ITPK1: variants seen among roughly 807,000 people sequenced by gnomAD.
ITPK1 encodes inositol 1,3,4-trisphosphate 5/6-kinase.
ITPK1 carries 21 observed loss-of-function variants against 45.3 expected under a neutral mutation model. The ratio of observed to expected loss-of-function variants is 0.46; its 90% CI spans 0.33 to 0.67. ITPK1 has a LOEUF of 0.67. ITPK1 is among the 30% of genes least tolerant of loss of function. ITPK1 has a pLI of 0.02. For synonymous variants in ITPK1, 258 were observed against 253.6 expected (o/e 1.02, Z -0.16); for missense variants, 474 against 573.5 (o/e 0.83, Z 1.77).
chr14:93,009,088 G>A (rs1206549947), intron 4 of ITPK1, among the ~76,000 whole-genome samples: 4 of 152,118 alleles, frequency 2.6e-5, no homozygotes, highest in Admixed American at 1.3e-4. Flanking sequence ...GGGCAGGGTG[G>A]GGAGTGCTGT....
intron 4 of ITPK1, among the ~76,000 whole-genome samples, chr14:93,002,899 AAGCCACAGCTGG>A (rs1158566656): frequency 6.6e-6 from 1 of 152,182 alleles, no homozygotes; most frequent in Non-Finnish European, 1.5e-5. Context: ...TGTTCTCTCA[AAGCCACAGCTGG>A]ACCAGAGGCT....
At position 93,114,196 on chromosome 14, in the gene ITPK1, A is replaced by C. The variant is rs916102731; in HGVS notation, c.95+873T>G. On this transcript the variant is annotated intron_variant, in intron 2 of 10. Coordinates refer to ENST00000267615, the MANE Select transcript of ITPK1 (RefSeq NM_014216.6). ...TGAGAAAAGGGCTTAACTGCTTCTC[A>C]GAGGCAAAGCTACAGTTGTGGAGCA... 2.6e-5 allele frequency among the ~76,000 whole-genome samples: 4 copies of C among 152,404 alleles called. No individual in the cohort carries two copies. In the South Asian group the frequency reaches 8.3e-4, roughly 32 times the overall value.
chr14:93,113,364 C>T (rs1465367000), intron 2 of ITPK1, among the ~76,000 whole-genome samples: 1 of 152,184 alleles, frequency 6.6e-6, no homozygotes, highest in Non-Finnish European at 1.5e-5. Context: ...GAATATTTTG[C>T]GAGAGCCTCC....
intron 3 of ITPK1, among the ~76,000 whole-genome samples, chr14:93,062,809 A>G (rs891402472): frequency 2.0e-5 from 3 of 152,158 alleles, no homozygotes; most frequent in African/African-American, 7.2e-5. Flanking sequence ...ACCATACACC[A>G]AGGCGTTTCA....
intron 2 of ITPK1, among the ~76,000 whole-genome samples, chr14:93,089,850 C>T (rs1891796832): frequency 6.6e-6 from 1 of 152,196 alleles, no homozygotes; most frequent in Non-Finnish European, 1.5e-5. Flanking sequence ...TCCCTCAGAG[C>T]CCCATGCAGG....
intron 3 of ITPK1, among the ~76,000 whole-genome samples, chr14:93,059,327 A>G (rs1595177168): frequency 1.1e-4 from 1 of 9,214 alleles, no homozygotes; most frequent in African/African-American, 5.2e-4. Context: ...TGCGGGTCCT[A>G]AGCAGGGGGG....
At chr14:92,994,876 G>A (rs2139811787) in intron 4 of ITPK1, among the ~76,000 whole-genome samples, 1 of 152,340 alleles carries the variant, frequency 6.6e-6, no homozygotes, top group East Asian at 1.9e-4. Flanking sequence ...AGGAAACAGG[G>A]TCTTTGTGGA....
intron 2 of ITPK1, among the ~76,000 whole-genome samples, chr14:93,104,456 C>G (rs2140028813): frequency 7.3e-6 from 1 of 136,250 alleles, no homozygotes. Flanking sequence ...TAGCGAAACT[C>G]CATCTCAAAA....
chr14:93,107,457 T>C (rs1000798910), intron 2 of ITPK1, among the ~76,000 whole-genome samples: 2 of 152,230 alleles, frequency 1.3e-5, no homozygotes, highest in Admixed American at 6.5e-5. Context: ...GTGAAGATTC[T>C]GACGGCGAGA....
At chr14:93,006,154 C>A (rs1232877288) in intron 4 of ITPK1, among the ~76,000 whole-genome samples, 1 of 152,168 alleles carries the variant, frequency 6.6e-6, no homozygotes, top group African/African-American at 2.4e-5. Flanking sequence ...CAGTGGTGCG[C>A]AGGGCAAGCC....
chr14:92,948,380 G>A (rs563791138), intron 9 of ITPK1, among the ~76,000 whole-genome samples: 7 of 152,300 alleles, frequency 4.6e-5, no homozygotes, highest in Admixed American at 3.9e-4. Context: ...TAGAGACAAT[G>A]TTTCACTCTG....
chr14:92,986,402 G>C (rs1446499428), intron 5 of ITPK1, among the ~76,000 whole-genome samples: 1 of 152,198 alleles, frequency 6.6e-6, no homozygotes, highest in Non-Finnish European at 1.5e-5. Flanking sequence ...AGTCAACACA[G>C]CCAGGGGAAA....
chr14:93,015,092 G>A (rs558855096), intron 4 of ITPK1, among the ~76,000 whole-genome samples: 13 of 152,202 alleles, frequency 8.5e-5, no homozygotes, highest in Non-Finnish European at 1.3e-4. Flanking sequence ...GAGGAAAGTC[G>A]CTGTATGACT....
intron 4 of ITPK1, 26 bp from the exon 5 acceptor site, chr14:92,994,023 T>A: frequency 6.8e-7 from 1 of 1,478,998 alleles, no homozygotes; most frequent in Non-Finnish European, 9.5e-7. Flanking sequence ...GCTGCTCTGG[T>A]TAGAGCAGGG....
At chr14:93,087,585 G>C (rs1891698919) in intron 2 of ITPK1, among the ~76,000 whole-genome samples, 1 of 152,224 alleles carries the variant, frequency 6.6e-6, no homozygotes, top group South Asian at 2.1e-4. Context: ...TACCATGTAA[G>C]GCAGCACACT....
chr14:92,972,942 G>C (rs1218094695), intron 5 of ITPK1, among the ~76,000 whole-genome samples: 1 of 152,164 alleles, frequency 6.6e-6, no homozygotes, highest in Non-Finnish European at 1.5e-5. Flanking sequence ...CTTGTGCCAG[G>C]TGGATATACT....
At chr14:93,017,329 G>A (rs956106648) in intron 3 of ITPK1, among the ~76,000 whole-genome samples, 2 of 152,222 alleles carry the variant, frequency 1.3e-5, no homozygotes, top group Non-Finnish European at 2.9e-5. Flanking sequence ...AGAAATTGCC[G>A]CTTTGAGCGA....
intron 3 of ITPK1, among the ~76,000 whole-genome samples, chr14:93,072,615 C>CTTTTT (rs111822420): frequency 1.4e-5 from 2 of 139,260 alleles, no homozygotes; most frequent in Non-Finnish European, 3.1e-5. Context: ...AAATATTATT[C>CTTTTT]TTTTTTTTTT....
chr14:93,054,073 C>G (rs1323550891), intron 3 of ITPK1, among the ~76,000 whole-genome samples: 1 of 152,216 alleles, frequency 6.6e-6, no homozygotes, highest in African/African-American at 2.4e-5. Flanking sequence ...CCAACCCTGA[C>G]TGAACATCTT....
Sources: gnomAD v4.1 joint callset for allele counts (sites outside exome capture counted in the v4.1 genomes callset) on GRCh38, gnomAD v4.1.1 for gene constraint, MANE v1.5 for transcripts, NCBI Gene and HGNC (gene_info 2026-07-23, HGNC 2026-07-21) for gene names.